The following HNF4G variants were observed in gnomAD, a reference collection of about 807,000 sequenced individuals.
HNF4G encodes hepatocyte nuclear factor 4-gamma.
HNF4G carries 21 observed loss-of-function variants against 50.9 expected under a neutral mutation model. The observed-to-expected ratio is 0.41, with a 90% CI of 0.29 to 0.59. The LOEUF (loss-of-function observed/expected upper bound fraction) is 0.59, where lower values mean the gene tolerates loss of function less well. Ranked by LOEUF, HNF4G falls within the 20% of genes least tolerant of loss-of-function variation. HNF4G has a pLI of 0.26. For missense variants in HNF4G, 527 were observed against 559.4 expected (o/e 0.94, Z 0.58); for synonymous variants, 198 against 185.6 (o/e 1.07, Z -0.54).
At chr8:75,493,702 T>C (rs1397280722) in intron 2 of HNF4G, among the ~76,000 whole-genome samples, 1 of 152,194 alleles carries the variant, frequency 6.6e-6, no homozygotes, top group Non-Finnish European at 1.5e-5. Flanking sequence ...GTAAGCTTCA[T>C]AGTGTTTTTT....
intron 1 of HNF4G, among the ~76,000 whole-genome samples, chr8:75,464,737 C>A (rs1021599342): frequency 6.6e-6 from 1 of 152,178 alleles, no homozygotes; most frequent in Admixed American, 6.5e-5. Flanking sequence ...CCCATGACTG[C>A]TTTCTAATTC....
upstream of HNF4G, chr8:75,408,000 G>C (rs1377015500): frequency 6.6e-6 from 1 of 152,050 alleles, no homozygotes; most frequent in Non-Finnish European, 1.5e-5. Context: ...GCCCGGGCTG[G>C]CCGCAGCGCA....
intron 2 of HNF4G, among the ~76,000 whole-genome samples, chr8:75,497,010 G>A (rs1302597377): frequency 6.6e-6 from 1 of 152,096 alleles, no homozygotes; most frequent in Non-Finnish European, 1.5e-5. Flanking sequence ...AATGCCCTAT[G>A]ATTCAGAAAA....
chr8:75,461,923 TATA>T (rs1232232290), intron 1 of HNF4G, among the ~76,000 whole-genome samples: 86 of 146,588 alleles, frequency 5.9e-4, no homozygotes, highest in African/African-American at 1.6e-3. Context: ...TATATATATA[TATA>T]TATTTTTTTA....
intron 1 of HNF4G, among the ~76,000 whole-genome samples, chr8:75,458,940 G>A (rs1345479748): frequency 6.6e-6 from 1 of 151,934 alleles, no homozygotes; most frequent in South Asian, 2.1e-4. Flanking sequence ...ATTTTTAAAG[G>A]TCAGTAATGG....
chr8:75,468,760 T>C (rs1812049506), intron 1 of HNF4G, among the ~76,000 whole-genome samples: 1 of 152,194 alleles, frequency 6.6e-6, no homozygotes, highest in African/African-American at 2.4e-5. Flanking sequence ...GTTTTTCCCT[T>C]TCCCTGTGTA....
At chr8:75,528,781 C>CT (rs11432899) in intron 2 of HNF4G, among the ~76,000 whole-genome samples, 57,786 of 151,930 alleles carry the variant, frequency 0.38, 11,773 homozygotes, top group African/African-American at 0.53. Context: ...TAAACTTCTA[C>CT]TTTTTTCATG....
At chr8:75,427,972 G>A (rs1012126828) in intron 1 of HNF4G, among the ~76,000 whole-genome samples, 58 of 152,110 alleles carry the variant, frequency 3.8e-4, no homozygotes, top group African/African-American at 1.3e-3. Flanking sequence ...ATCAATCAAA[G>A]CAACATTGTT....
At chr8:75,524,436 G>T (rs2130752427) in intron 2 of HNF4G, among the ~76,000 whole-genome samples, 1 of 152,154 alleles carries the variant, frequency 6.6e-6, no homozygotes, top group African/African-American at 2.4e-5. Context: ...GATTAAAATG[G>T]TAATCTTGAG....
At chr8:75,498,490 T>G (rs1411377370) in intron 2 of HNF4G, among the ~76,000 whole-genome samples, 2 of 152,050 alleles carry the variant, frequency 1.3e-5, no homozygotes, top group Non-Finnish European at 2.9e-5. Context: ...AAAGACAAAT[T>G]GTCACAAATC....
chr8:75,523,914 T>C (rs1314090855), intron 2 of HNF4G, among the ~76,000 whole-genome samples: 1 of 151,948 alleles, frequency 6.6e-6, no homozygotes, highest in Non-Finnish European at 1.5e-5. Context: ...ATAAGAAGTA[T>C]AATGAAAATA....
rs535764197 is a variant in HNF4G, at chr8:75,430,498, GAGA to G, written c.-144+22337_-144+22339del. ...GTAGAGAGAGAGAGAGAGAGAGAGA[GAGA>G]GGGAGAGAGAGAGAGAGAGAGCAAG... On this transcript the variant is annotated intron_variant, in intron 1 of 10. Transcript: ENST00000354370. Among the ~76,000 whole-genome samples, 301 of 145,948 alleles carry G rather than the reference GAGA, an allele frequency of 2.1e-3. 2 individuals are homozygous for G. The highest frequency in any genetic ancestry group is 7.0e-3 in the African/African-American group (265 of 37,796).
chr8:75,537,206 A>C (rs942609579), upstream of HNF4G, among the ~76,000 whole-genome samples: 22 of 150,714 alleles, frequency 1.5e-4, no homozygotes, highest in African/African-American at 5.4e-4. Context: ...TGTGCTATCT[A>C]ATGCAACATG....
chr8:75,549,118 A>G (rs530416046), intron 3 of HNF4G, among the ~76,000 whole-genome samples: 31 of 152,306 alleles, frequency 2.0e-4, no homozygotes, highest in African/African-American at 6.7e-4. Context: ...GTGAAATACA[A>G]TTATGTTTTA....
intron 2 of HNF4G, among the ~76,000 whole-genome samples, chr8:75,545,856 A>G (rs1391821708): frequency 6.6e-6 from 1 of 151,980 alleles, no homozygotes; most frequent in African/African-American, 2.4e-5. Context: ...ATGTGTATTC[A>G]ATTTTTGTTA....
intron 2 of HNF4G, among the ~76,000 whole-genome samples, chr8:75,524,459 A>G (rs922541547): frequency 9.2e-5 from 14 of 152,202 alleles, no homozygotes; most frequent in African/African-American, 3.4e-4. Flanking sequence ...ATGTTTCATC[A>G]TTTAGTATTG....
chr8:75,503,378 C>A (rs1281404006), intron 2 of HNF4G, among the ~76,000 whole-genome samples: 2 of 152,080 alleles, frequency 1.3e-5, no homozygotes, highest in African/African-American at 4.8e-5. Context: ...AGATTGATCA[C>A]TTAATTAATG....
chr8:75,454,769 C>T (rs985013099), intron 1 of HNF4G, among the ~76,000 whole-genome samples: 8 of 152,154 alleles, frequency 5.3e-5, no homozygotes, highest in Admixed American at 1.3e-4. Context: ...ACTGACATTT[C>T]GATTAATATA....
rs185444542 is a variant in HNF4G at position 75,524,427 on chromosome 8, A to G, written c.-23-19384A>G. Reference sequence around the variant, plus strand: ...AGAAATCACATGATCACTCTGTCTGATTAAAATGGTAATCTTGAGAAATGT... The same window carrying G: ...AGAAATCACATGATCACTCTGTCTGGTTAAAATGGTAATCTTGAGAAATGT... On this transcript the variant is annotated intron_variant, in intron 2 of 10. Transcript: ENST00000354370. Among the ~76,000 whole-genome samples, 346 of 152,294 alleles carry G rather than the reference A, an allele frequency of 2.3e-3. 2 individuals carry two copies. Among genetic ancestry groups the G allele is most frequent in the African/African-American group, 7.8e-3 (326 of 41,572 alleles).
Sources: allele counts gnomAD v4.1 joint callset (sites outside exome capture counted in the v4.1 genomes callset), GRCh38; gene constraint gnomAD v4.1.1; transcripts MANE v1.5; gene names NCBI Gene and HGNC (gene_info 2026-07-23, HGNC 2026-07-21).